The following NUP62CL variants were observed in gnomAD, a reference collection of about 807,000 sequenced individuals.
The protein encoded by NUP62CL is nucleoporin 62 C-terminal like.
NUP62CL carries 13 observed loss-of-function variants against 15.3 expected under a neutral mutation model. That is an observed-to-expected ratio of 0.85 (90% CI 0.55 to 1.35). The LOEUF (loss-of-function observed/expected upper bound fraction) is 1.35. NUP62CL is among the 40% of genes most tolerant of loss of function. NUP62CL has a pLI of 0.00. For synonymous variants in NUP62CL, 54 were observed against 49.2 expected (o/e 1.10, Z -0.41); for missense variants, 123 against 130.6 (o/e 0.94, Z 0.28).
At chrX:107,202,974 CAAA>C (rs1172117650) in intron 1 of NUP62CL, among the ~76,000 whole-genome samples, 2 of 54,254 alleles carry the variant, frequency 3.7e-5, no homozygotes, top group Non-Finnish European at 3.5e-5. Flanking sequence ...CAGACCGTCT[CAAA>C]AAAAAAAAAA....
At chrX:107,181,396 C>T (rs758138013) in intron 2 of NUP62CL, among the ~76,000 whole-genome samples, 2 of 111,660 alleles carry the variant, frequency 1.8e-5, no homozygotes, top group Non-Finnish European at 3.8e-5. Context: ...TGTTTCTGCA[C>T]TGTACTTCAA....
At chrX:107,141,975 G>A (rs1376466292) in intron 8 of NUP62CL, among the ~76,000 whole-genome samples, 3 of 109,371 alleles carry the variant, frequency 2.7e-5, no homozygotes, top group East Asian at 5.7e-4. Flanking sequence ...CACTTGAACC[G>A]GAAGGCAGAG....
intron 7 of NUP62CL, among the ~76,000 whole-genome samples, chrX:107,152,521 G>C (rs921920522): frequency 9.0e-6 from 1 of 110,917 alleles, no homozygotes; most frequent in African/African-American, 3.3e-5. Flanking sequence ...TCTCAATCTA[G>C]ATTATGTTGT....
chrX:107,150,451 A>C (rs1925981949), intron 7 of NUP62CL, among the ~76,000 whole-genome samples: 1 of 111,893 alleles, frequency 8.9e-6, no homozygotes, highest in African/African-American at 3.3e-5. Context: ...GGCAGGAAGA[A>C]ACACTATAGA....
At chrX:107,142,564 A>C (rs955305447) in intron 8 of NUP62CL, among the ~76,000 whole-genome samples, 1 of 112,141 alleles carries the variant, frequency 8.9e-6, no homozygotes, top group African/African-American at 3.2e-5. Flanking sequence ...GTGAACTTTC[A>C]AATAATTACA....
At chrX:107,139,375 C>T (rs1453142225) in intron 8 of NUP62CL, among the ~76,000 whole-genome samples, 1 of 111,693 alleles carries the variant, frequency 9.0e-6, no homozygotes, top group Admixed American at 9.4e-5. Context: ...TGTGAATATC[C>T]TAGTTGTAAT....
At chrX:107,198,407 G>C (rs775913261) in intron 1 of NUP62CL, among the ~76,000 whole-genome samples, 1 of 111,575 alleles carries the variant, frequency 9.0e-6, no homozygotes, top group East Asian at 2.8e-4. Context: ...CAACCCACTC[G>C]AGTCCCCTTC....
intron 8 of NUP62CL, among the ~76,000 whole-genome samples, chrX:107,144,639 A>G (rs972536347): frequency 1.8e-5 from 2 of 111,685 alleles, no homozygotes; most frequent in African/African-American, 6.5e-5. Flanking sequence ...AAAATATGCG[A>G]CAGGAAGACA....
chrX:107,175,325 TA>T (rs1926758089), intron 2 of NUP62CL, 132 bp from the exon 3 acceptor site: 2 of 422,002 alleles, frequency 4.7e-6, no homozygotes, highest in Non-Finnish European at 8.3e-6. Flanking sequence ...TCCTGAAACC[TA>T]ATCAATAAGA....
chrX:107,166,761 T>C (rs1031981415), intron 4 of NUP62CL, among the ~76,000 whole-genome samples: 1 of 111,606 alleles, frequency 9.0e-6, no homozygotes, highest in African/African-American at 3.3e-5. Context: ...AAACTGTTGA[T>C]GCACACGACA....
intron 8 of NUP62CL, among the ~76,000 whole-genome samples, chrX:107,133,999 T>G (rs1925580717): frequency 8.9e-6 from 1 of 112,310 alleles, no homozygotes; most frequent in African/African-American, 3.2e-5. Flanking sequence ...GCTAGGTCAT[T>G]TAACATACAC....
In NUP62CL at chrX:107,200,949, G is replaced by A. The variant is rs534443589; in HGVS notation, c.-92+5324C>T. On this transcript the variant is annotated intron_variant, in intron 1 of 8. Transcript: ENST00000372466. ...AAAAAACAAAAAACTGGAGAATTCT[G>A]AAGAATGATAATCATAAAAACCTTT... Among the ~76,000 whole-genome samples the A allele has an allele frequency of 2.7e-5, 3 of 111,221 alleles. No individual in the cohort carries two copies. In the South Asian group the frequency reaches 1.1e-3, roughly 42 times the overall value.
At chrX:107,180,181 C>G (rs1926882353) in intron 2 of NUP62CL, among the ~76,000 whole-genome samples, 1 of 112,121 alleles carries the variant, frequency 8.9e-6, no homozygotes, top group Admixed American at 9.4e-5. Flanking sequence ...AAGCAGGCAG[C>G]CTCACAGATT....
intron 8 of NUP62CL, among the ~76,000 whole-genome samples, chrX:107,134,502 G>A (rs1390467212): frequency 3.6e-5 from 4 of 112,145 alleles, no homozygotes; most frequent in Non-Finnish European, 5.6e-5. Flanking sequence ...CGCCCAGGCT[G>A]TAGTGCAGTG....
At chrX:107,154,780 T>A (rs1926134384) in intron 4 of NUP62CL, among the ~76,000 whole-genome samples, 1 of 111,813 alleles carries the variant, frequency 8.9e-6, no homozygotes, top group South Asian at 3.8e-4. Flanking sequence ...CAATGGTGAT[T>A]CCTCTGCTGG....
At chrX:107,161,149 T>C (rs1271197996) in intron 4 of NUP62CL, among the ~76,000 whole-genome samples, 1 of 102,346 alleles carries the variant, frequency 9.8e-6, no homozygotes, top group Non-Finnish European at 2.0e-5. Context: ...CTGGAGAGGA[T>C]GTGGAGAAAT....
chrX:107,175,555 T>G (rs1926763111), intron 2 of NUP62CL, among the ~76,000 whole-genome samples: 1 of 111,953 alleles, frequency 8.9e-6, no homozygotes, highest in South Asian at 3.8e-4. Flanking sequence ...TTTTTTTTCT[T>G]TAAATCGGAA....
chrX:107,205,253 CA>C (rs898770308), intron 1 of NUP62CL, among the ~76,000 whole-genome samples: 3 of 111,250 alleles, frequency 2.7e-5, no homozygotes, highest in Admixed American at 1.9e-4. Context: ...AGAATAAAAA[CA>C]AAAAAGCAAG....
chrX:107,152,806 T>C (rs777609198), intron 7 of NUP62CL, among the ~76,000 whole-genome samples: 37 of 112,074 alleles, frequency 3.3e-4, no homozygotes, highest in African/African-American at 1.1e-3. Flanking sequence ...AGAATCAACA[T>C]AAAGAGGAGA....
Sources: allele counts gnomAD v4.1 joint callset (sites outside exome capture counted in the v4.1 genomes callset), GRCh38; gene constraint gnomAD v4.1.1; transcripts MANE v1.5; gene names NCBI Gene and HGNC (gene_info 2026-07-23, HGNC 2026-07-21).